NEK9: variants seen among roughly 807,000 people sequenced by gnomAD.
The protein encoded by NEK9 is serine/threonine-protein kinase Nek9.
A neutral mutation model predicts 123.4 loss-of-function variants in NEK9; 75 were observed. That is an observed-to-expected ratio of 0.61 (90% CI 0.50 to 0.74). The LOEUF (loss-of-function observed/expected upper bound fraction) is 0.74. Among genes scored for constraint, NEK9 ranks in the 30% least tolerant of loss-of-function variants. The probability of loss-of-function intolerance (pLI) is 0.00; values close to 1 mark genes in which losing one functional copy is unlikely to be tolerated. For missense variants in NEK9, 952 were observed against 1,214.4 expected (o/e 0.78, Z 3.21); for synonymous variants, 438 against 458.7 (o/e 0.95, Z 0.58).
At position 75,100,221 on chromosome 14, in the gene NEK9, C is replaced by T. The variant is rs963577262; in HGVS notation, c.2002+771G>A. Among the ~76,000 whole-genome samples the T allele has an allele frequency of 3.6e-5, 5 of 140,388 alleles. No individual in the cohort carries two copies. The South Asian group carries it at 6.8e-4, about 19-fold the overall frequency. 92.1% of individuals were successfully genotyped at this position (140,388 alleles called of 152,430 possible). On this transcript the variant is annotated intron_variant, in intron 16 of 21. Coordinates refer to ENST00000238616, the MANE Select transcript of NEK9 (RefSeq NM_033116.6). The stretch of plus-strand genomic sequence containing the variant: ...CAGCACTTTGGGAGGCCGAGGCAAG[C>T]GGATCACCTGAGGTTGGGAGTTCGA...
In NEK9 at chr14:75,126,761, G is replaced by A; in HGVS notation, c.161C>T (p.Pro54Leu). The change falls in exon 1 of 22, where the codon CCC becomes CTC. Residue 54 changes from proline (P) to leucine (L), a missense_variant. Pro to Leu is a moderately conservative substitution (Grantham distance 98). This residue lies in a region of NEK9 where 120 missense variants were observed against 97.6 expected (regional missense o/e 1.23). Transcript: ENST00000238616. ...GGCGCCGCGGCCCAGGACGCGGATG[G>A]GGATGTAGTGCAGTTCCTCCTGCTC... ...AAEQEELHYIPIRVLGRGAFG... is the reference protein window; with the variant it reads ...AAEQEELHYILIRVLGRGAFG... 6.6e-7 allele frequency: 1 copy of A among 1,517,144 alleles called. No homozygotes were observed. Among genetic ancestry groups the A allele is most frequent in the Non-Finnish European group, 8.8e-7 (1 of 1,133,726 alleles). 94.0% of individuals were successfully genotyped at this position (1,517,144 alleles called of 1,614,324 possible).
Position 75,118,938 on chromosome 14 carries a change from G to GAA in NEK9, c.525-5_525-4dup. ...AAATATTTAATGTCTTTATATCTCT[G>GAA]AAAAAAAAAGATGCTGCAAATTAAG... On this transcript the variant is annotated splice_polypyrimidine_tract_variant and splice_region_variant and intron_variant, in intron 4 of 21. Coordinates refer to ENST00000238616, the MANE Select transcript of NEK9 (RefSeq NM_033116.6). The GAA allele has an allele frequency of 3.0e-6, 4 of 1,346,232 alleles. No individual in the cohort carries two copies. The highest frequency in any genetic ancestry group is 1.2e-5 in the South Asian group (1 of 81,862). 83.4% of individuals were successfully genotyped at this position (1,346,232 alleles called of 1,614,324 possible).
intron 20 of NEK9, 54 bp downstream of exon 20, chr14:75,088,426 A>T: frequency 6.4e-7 from 1 of 1,573,590 alleles, no homozygotes; most frequent in Non-Finnish European, 8.7e-7. Flanking sequence ...AACCAGGCAG[A>T]GCTTGCAGTG....
chr14:75,110,271 C>T (rs1566653861), intron 9 of NEK9, 50 bp downstream of exon 9: 1 of 1,422,902 alleles, frequency 7.0e-7, no homozygotes, highest in Non-Finnish European at 9.9e-7. Context: ...AAAGAACCCC[C>T]TGGTTGTAAT....
chr14:75,118,670 T>A (rs148537743), intron 5 of NEK9, among the ~76,000 whole-genome samples, 160 bp downstream of exon 5: 135 of 152,324 alleles, frequency 8.9e-4, no homozygotes, highest in East Asian at 5.4e-3. Flanking sequence ...ATGACTTAAA[T>A]GCCTGCTAGT....
rs1357304501 is a variant in NEK9, at chr14:75,109,778, ATCCAGTTTCTGGGGGGTGGATTT to A, written c.1066_1088del (p.Lys356CysfsTer7). ...GGGCACTACAGCCACTCTTGATAAC[ATCCAGTTTCTGGGGGGTGGATTT>A]TCCACCACCCCAAACATAGACTTCA... On this transcript the variant is annotated frameshift_variant, in exon 10 of 22. Transcript: ENST00000238616. LOFTEE classifies it high-confidence loss of function. 5 of 1,614,016 alleles carry A rather than the reference ATCCAGTTTCTGGGGGGTGGATTT, an allele frequency of 3.1e-6. No homozygotes were observed. Among genetic ancestry groups the A allele is most frequent in the Non-Finnish European group, 4.2e-6 (5 of 1,180,034 alleles).
At chr14:75,111,393 T>C (rs954454760) in intron 8 of NEK9, among the ~76,000 whole-genome samples, 4 of 152,210 alleles carry the variant, frequency 2.6e-5, no homozygotes, top group African/African-American at 7.2e-5. Context: ...TCTAGCCAAA[T>C]AGAATTTTGT....
rs1894892202 is a variant in NEK9, at chr14:75,109,621, C to T, written c.1182+64G>A. 2.1e-6 allele frequency: 3 copies of T among 1,442,966 alleles called. No homozygotes were observed. The South Asian group carries it at 3.6e-5, about 17-fold the overall frequency. The allele number at this position is 1,442,966 out of a possible 1,614,324, so 89.4% of individuals were successfully genotyped here. ...AGGTTCAACTAATAAAATGCTTAGA[C>T]ATCGTGGGCCCAGTAAACAATTAGG... is the stretch of plus-strand genomic sequence containing the variant. On this transcript the variant is annotated intron_variant, in intron 10 of 21. Coordinates refer to ENST00000238616, the MANE Select transcript of NEK9 (RefSeq NM_033116.6).
chr14:75,103,999 T>C lies in NEK9; in HGVS notation c.1576-2A>G, dbSNP rs1170124102. The C allele has an allele frequency of 1.3e-6, 2 of 1,597,916 alleles. No individual in the cohort carries two copies. The highest frequency in any genetic ancestry group is 1.7e-6 in the Non-Finnish European group (2 of 1,175,432). On this transcript the variant is annotated splice_acceptor_variant, in intron 13 of 21. Coordinates refer to ENST00000238616, the MANE Select transcript of NEK9 (RefSeq NM_033116.6). LOFTEE classifies it high-confidence loss of function. ...AATCAAGGCCTTGGGAACATCCACC[T>C]GCAAGAAAAAAATCAGAAAAAGAAA...
intron 6 of NEK9, among the ~76,000 whole-genome samples, chr14:75,114,980 TA>T (rs1895079689): frequency 1.3e-5 from 2 of 151,966 alleles, no homozygotes; most frequent in African/African-American, 4.8e-5. Flanking sequence ...GTCATATACA[TA>T]TATACACATA....
intron 10 of NEK9, 84 bp from the exon 11 acceptor site, chr14:75,107,571 G>A (rs920811761): frequency 1.2e-5 from 14 of 1,212,838 alleles, no homozygotes; most frequent in Non-Finnish European, 1.5e-5. Context: ...TTCTCGCTAT[G>A]TTGCCCAAGC....
At chr14:75,088,703 C>A in intron 19 of NEK9, 62 bp from the exon 20 acceptor site, 1 of 1,496,842 alleles carries the variant, frequency 6.7e-7, no homozygotes, top group Non-Finnish European at 9.2e-7. Context: ...CCCAAATTCC[C>A]TTCTTTTTGC....
intron 4 of NEK9, among the ~76,000 whole-genome samples, chr14:75,120,265 A>AAT (rs1465032451): frequency 6.6e-6 from 1 of 152,202 alleles, no homozygotes; most frequent in Non-Finnish European, 1.5e-5. Flanking sequence ...CTGAACTCTA[A>AAT]AATTTTTGTC....
intron 21 of NEK9, among the ~76,000 whole-genome samples, chr14:75,085,671 G>A (rs1180553992): frequency 1.3e-5 from 2 of 152,184 alleles, no homozygotes; most frequent in Non-Finnish European, 2.9e-5. Context: ...TAGAATGTGG[G>A]ACATTCTGTT....
At chr14:75,120,693 A>G in intron 3 of NEK9, 113 bp from the exon 4 acceptor site, 1 of 771,130 alleles carries the variant, frequency 1.3e-6, no homozygotes, top group Non-Finnish European at 2.1e-6. Flanking sequence ...TTATGATTCA[A>G]CATGACTTGA....
At chr14:75,126,658 G>T in intron 1 of NEK9, 45 bp downstream of exon 1, 2 of 1,355,680 alleles carry the variant, frequency 1.5e-6, no homozygotes, top group South Asian at 3.4e-5. Context: ...GACTCGGGGC[G>T]ACCCGACAGC....
At chr14:75,112,619 T>C (rs1371373836) in intron 8 of NEK9, among the ~76,000 whole-genome samples, 1 of 152,160 alleles carries the variant, frequency 6.6e-6, no homozygotes, top group African/African-American at 2.4e-5. Flanking sequence ...GGCAACAGCT[T>C]TGAGATCAGC....
chr14:75,085,881 C>A (rs1894005640), intron 21 of NEK9, among the ~76,000 whole-genome samples: 1 of 151,862 alleles, frequency 6.6e-6, no homozygotes, highest in Non-Finnish European at 1.5e-5. Flanking sequence ...CAATGCAAGA[C>A]CCTGTCTCAA....
At chr14:75,091,202 G>A (rs1894203042) in intron 19 of NEK9, 68 bp downstream of exon 19, 2 of 1,343,102 alleles carry the variant, frequency 1.5e-6, no homozygotes, top group East Asian at 5.0e-5. Context: ...GAGAGACCCT[G>A]ACAGCTCTTT....
Sources: gnomAD v4.1 joint callset for allele counts (sites outside exome capture counted in the v4.1 genomes callset) on GRCh38, gnomAD v4.1.1 for gene constraint, gnomAD v4.1.1 regional missense constraint, MANE v1.5 for transcripts, NCBI Gene and HGNC (gene_info 2026-07-23, HGNC 2026-07-21) for gene names.